The following OGDH variants were observed in gnomAD, a reference collection of about 807,000 sequenced individuals.
The protein encoded by OGDH is oxoglutarate dehydrogenase.
A neutral mutation model predicts 116.6 loss-of-function variants in OGDH; 38 were observed. The observed-to-expected ratio is 0.33, with a 90% confidence interval of 0.25 to 0.43. OGDH has a LOEUF of 0.43. Among genes scored for constraint, OGDH ranks in the 20% least tolerant of loss-of-function variants. The pLI is 1.00. For missense variants in OGDH, 825 were observed against 1,357.2 expected (o/e 0.61, Z 6.16); for synonymous variants, 488 against 533.3 (o/e 0.92, Z 1.17).
At chr7:44,629,858 G>C (rs1785361644) in intron 2 of OGDH, among the ~76,000 whole-genome samples, 1 of 152,304 alleles carries the variant, frequency 6.6e-6, no homozygotes, top group Non-Finnish European at 1.5e-5. Flanking sequence ...GGGATTATGG[G>C]CGTGAGCCAT....
chr7:44,699,583 G>A (rs886884013), intron 18 of OGDH, among the ~76,000 whole-genome samples: 2 of 152,148 alleles, frequency 1.3e-5, no homozygotes, highest in Admixed American at 6.6e-5. Context: ...TGGGACTGAG[G>A]CTCTCCTCCA....
intron 4 of OGDH, among the ~76,000 whole-genome samples, chr7:44,664,257 C>T (rs1787084121): frequency 6.6e-6 from 1 of 152,086 alleles, no homozygotes. Context: ...CTCAAGTATC[C>T]ACCGTTACTG....
chr7:44,656,282 C>G (rs1365841720), intron 4 of OGDH: 9 of 1,535,072 alleles, frequency 5.9e-6, no homozygotes, highest in African/African-American at 1.4e-5. Flanking sequence ...CTTTTTCCTT[C>G]TGCGCTCACC....
At chr7:44,659,378 C>G (rs1315245488) in intron 4 of OGDH, among the ~76,000 whole-genome samples, 2 of 152,108 alleles carry the variant, frequency 1.3e-5, no homozygotes, top group African/African-American at 4.8e-5. Context: ...ACTATCTTTG[C>G]TTTTGGTATC....
chr7:44,671,124 A>G (rs1787431324), intron 5 of OGDH, among the ~76,000 whole-genome samples: 1 of 152,174 alleles, frequency 6.6e-6, no homozygotes, highest in Non-Finnish European at 1.5e-5. Flanking sequence ...ATAATTTATA[A>G]TGAAAAAGGG....
chr7:44,676,168 C>A lies in OGDH; in HGVS notation c.1206+19C>A, dbSNP rs202133522. On this transcript the variant is annotated intron_variant, in intron 9 of 22. Transcript: ENST00000222673. ...GAAAAAGGTAAGGCCCAGAGAGAGG[C>A]GTGCAAGGCAGATCGTCAAGGCCCC... 3,214 of 1,614,148 alleles carry A rather than the reference C, an allele frequency of 2.0e-3. 6 individuals are homozygous for A. Among genetic ancestry groups the A allele is most frequent in the South Asian group, 2.2e-3 (202 of 91,080 alleles).
chr7:44,623,439 T>C (rs575140363), intron 1 of OGDH, among the ~76,000 whole-genome samples: 46 of 90,048 alleles, frequency 5.1e-4, no homozygotes, highest in Non-Finnish European at 1.1e-3. Flanking sequence ...CTTTGTATTT[T>C]CCATAATATT....
At chr7:44,637,680 G>A (rs867109129) in intron 2 of OGDH, among the ~76,000 whole-genome samples, 3 of 152,022 alleles carry the variant, frequency 2.0e-5, no homozygotes, top group African/African-American at 7.2e-5. Flanking sequence ...ACACGATGGC[G>A]GTGCCTGTAA....
chr7:44,646,450 C>T (rs563261674), intron 3 of OGDH, among the ~76,000 whole-genome samples: 1 of 152,358 alleles, frequency 6.6e-6, no homozygotes, highest in African/African-American at 2.4e-5. Flanking sequence ...AAGTAAGGCT[C>T]TCTCCCTGGG....
chr7:44,610,284 T>G (rs1460631728), intron 1 of OGDH, among the ~76,000 whole-genome samples: 2 of 152,166 alleles, frequency 1.3e-5, no homozygotes, highest in Non-Finnish European at 2.9e-5. Context: ...GCAGCATGTC[T>G]TTTCATCTTG....
At chr7:44,634,289 C>T (rs1434237813) in intron 2 of OGDH, among the ~76,000 whole-genome samples, 1 of 152,224 alleles carries the variant, frequency 6.6e-6, no homozygotes, top group Non-Finnish European at 1.5e-5. Flanking sequence ...ACTGCTACTC[C>T]CCACGCCATT....
chr7:44,661,852 G>A (rs996999838), intron 4 of OGDH, among the ~76,000 whole-genome samples: 3 of 152,132 alleles, frequency 2.0e-5, no homozygotes, highest in African/African-American at 7.2e-5. Context: ...ACCTGCCTTG[G>A]GCTCCCAAAG....
Position 44,688,113 on chromosome 7 carries a change from G to A in OGDH, c.1336-5712G>A, listed in dbSNP as rs371728737. On this transcript the variant is annotated intron_variant, in intron 10 of 22. Coordinates refer to ENST00000222673, the MANE Select transcript of OGDH (RefSeq NM_002541.4). ...GGGCTGGGCATGGTGGCTCACACCTGTAATCCCAGCACTTTGGGAGGCCGA... is the reference window on the plus strand; with the variant it reads ...GGGCTGGGCATGGTGGCTCACACCTATAATCCCAGCACTTTGGGAGGCCGA... 2.6e-5 allele frequency among the ~76,000 whole-genome samples: 4 copies of A among 152,164 alleles called. No homozygotes were observed. The East Asian group carries it at 7.8e-4, about 30-fold the overall frequency.
intron 4 of OGDH, chr7:44,656,331 C>G: frequency 6.5e-7 from 1 of 1,535,944 alleles, no homozygotes; most frequent in Non-Finnish European, 8.7e-7. Context: ...TTGCAGTTTT[C>G]AAGGAACGAC....
rs930972992 is a variant in OGDH, at chr7:44,624,552, A to G, written c.209A>G (p.Lys70Arg). The change falls in exon 2 of 23, where the codon AAA becomes AGA. Residue 70 changes from lysine to arginine, a missense_variant. By Grantham distance (26) the Lys-to-Arg change is conservative. Around this residue, in one of 7 missense-constraint regions of OGDH, gnomAD observed 126 missense variants for 130.4 expected, o/e 0.97. Transcript: ENST00000222673. ...EMYCAWLENPKSVHKSWDIFF... is the reference protein window; with the variant it reads ...EMYCAWLENPRSVHKSWDIFF... ...TACTGTGCTTGGCTGGAAAACCCCA[A>G]AAGTGTACATAAGGTAAGGCTCGCA... The G allele has an allele frequency of 3.1e-6, 5 of 1,613,490 alleles. No individual in the cohort carries two copies. Among genetic ancestry groups the G allele is most frequent in the Admixed American group, 1.7e-5 (1 of 59,988 alleles).
At chr7:44,698,840 T>TAAA (rs750560729) in intron 18 of OGDH, among the ~76,000 whole-genome samples, 9 of 127,702 alleles carry the variant, frequency 7.0e-5, no homozygotes, top group African/African-American at 2.3e-4. Context: ...TACCCTGTCT[T>TAAA]AAAAAAAAAA....
rs1239537392 is a variant in OGDH, at chr7:44,693,999, G to A, written c.1510G>A (p.Asp504Asn). Residue 504 changes from aspartate to asparagine, a missense_variant, in exon 11 of 23, where the codon GAT becomes AAT. By Grantham distance (23) the Asp-to-Asn change is conservative. This residue lies in a region of OGDH where 146 missense variants were observed against 317.3 expected (regional missense o/e 0.46). Transcript: ENST00000222673. ...CACCTTCCACAAGGACGTGGTTGTC[G>A]ATTTGGTGAGTGACTCTGGGGACAG... is the stretch of plus-strand genomic sequence containing the variant. ...RSTFHKDVVV[D>N]LVCYRRNGHN... 9 of 1,611,242 alleles carry A rather than the reference G, an allele frequency of 5.6e-6. No homozygotes were observed. The highest frequency in any genetic ancestry group is 7.6e-6 in the Non-Finnish European group (9 of 1,177,860).
chr7:44,679,112 G>C (rs564318150), intron 9 of OGDH, among the ~76,000 whole-genome samples: 3 of 152,316 alleles, frequency 2.0e-5, no homozygotes, highest in African/African-American at 7.2e-5. Context: ...AGTTACCACA[G>C]TGCAGTATGG....
Position 44,694,096 on chromosome 7 carries a change from G to A in OGDH, c.1515+92G>A, listed in dbSNP as rs1002981229. 2.1e-5 allele frequency: 28 copies of A among 1,348,644 alleles called. No individual in the cohort carries two copies. In the Admixed American group the frequency reaches 4.4e-4, roughly 21 times the overall value. The allele number at this position is 1,348,644 out of a possible 1,614,324, so 83.5% of individuals were successfully genotyped here. ...CCCTGTGTCCCAAGGAGAGGAGCTT[G>A]TCTAGATGAGTCACCTCAGGGCTCT... On this transcript the variant is annotated intron_variant, in intron 11 of 22. Transcript: ENST00000222673. This position sits in a 1 kb window ranked among gnomAD's most constrained non-coding sequence, Gnocchi z 4.2.
Sources: allele counts gnomAD v4.1 joint callset (sites outside exome capture counted in the v4.1 genomes callset), GRCh38; gene constraint gnomAD v4.1.1; regional missense constraint gnomAD v4.1.1; non-coding constraint Gnocchi (gnomAD v3.1); transcripts MANE v1.5; gene names NCBI Gene and HGNC (gene_info 2026-07-23, HGNC 2026-07-21).